The following SLC44A5 variants were observed in gnomAD, a reference collection of about 807,000 sequenced individuals.
The protein encoded by SLC44A5 is choline transporter-like protein 5.
SLC44A5 carries 57 observed loss-of-function variants against 101.8 expected under a neutral mutation model. The observed-to-expected ratio is 0.56, with a 90% CI of 0.45 to 0.70. The LOEUF is 0.70. Among genes scored for constraint, SLC44A5 ranks in the 30% least tolerant of loss-of-function variants. SLC44A5 has a pLI of 0.00. For missense variants in SLC44A5, 737 were observed against 853.1 expected, an observed-to-expected ratio of 0.86 and a Z score of 1.70; for synonymous variants, 281 against 290.9, an observed-to-expected ratio of 0.97 and a Z score of 0.35.
At chr1:75,404,223 T>C (rs923126665) in intron 2 of SLC44A5, among the ~76,000 whole-genome samples, 5 of 152,118 alleles carry the variant, frequency 3.3e-5, no homozygotes, top group African/African-American at 9.7e-5. Flanking sequence ...CTACGTTTGA[T>C]TGGTGTATCT....
At chr1:75,235,880 G>A (rs569754307) in intron 11 of SLC44A5, among the ~76,000 whole-genome samples, 1 of 152,082 alleles carries the variant, frequency 6.6e-6, no homozygotes, top group East Asian at 1.9e-4. Flanking sequence ...AGAGGGAAAG[G>A]GCCAGGTAAA....
chr1:75,502,889 C>T (rs1669044625), intron 2 of SLC44A5, among the ~76,000 whole-genome samples: 1 of 152,112 alleles, frequency 6.6e-6, no homozygotes. Flanking sequence ...AGTGGGGGCT[C>T]CGCCTTGCTG....
intron 5 of SLC44A5, among the ~76,000 whole-genome samples, chr1:75,290,978 A>C (rs1653493345): frequency 6.6e-6 from 1 of 152,244 alleles, no homozygotes; most frequent in African/African-American, 2.4e-5. Flanking sequence ...TAGGATGTAA[A>C]AGATGGGACA....
At chr1:75,454,571 T>C (rs947021303) in intron 2 of SLC44A5, among the ~76,000 whole-genome samples, 4 of 151,638 alleles carry the variant, frequency 2.6e-5, no homozygotes, top group African/African-American at 9.7e-5. Flanking sequence ...GAGAAATAAA[T>C]AAAAAGTATC....
intron 1 of SLC44A5, among the ~76,000 whole-genome samples, chr1:75,578,944 T>A (rs1326040179): frequency 6.6e-6 from 1 of 152,164 alleles, no homozygotes; most frequent in Admixed American, 6.5e-5. Flanking sequence ...AAATTCAGCA[T>A]TTAAAATATG....
intron 2 of SLC44A5, among the ~76,000 whole-genome samples, chr1:75,436,482 T>G (rs1664896078): frequency 1.3e-5 from 2 of 152,168 alleles, no homozygotes; most frequent in East Asian, 3.9e-4. Flanking sequence ...TATAAAAGAT[T>G]AAAAATTGTA....
chr1:75,603,172 C>T (rs1675082846), intron 1 of SLC44A5, among the ~76,000 whole-genome samples: 1 of 152,002 alleles, frequency 6.6e-6, no homozygotes, highest in Non-Finnish European at 1.5e-5. Context: ...TCAATTGTTG[C>T]CATCTTTATG....
intron 2 of SLC44A5, among the ~76,000 whole-genome samples, chr1:75,417,776 G>GAGAGCCAA (rs1255881421): frequency 3.9e-5 from 6 of 152,212 alleles, no homozygotes; most frequent in Non-Finnish European, 1.5e-5. Context: ...AAGAAGGGCA[G>GAGAGCCAA]AGAGCCAAAG....
At chr1:75,499,505 G>A (rs562907688) in intron 2 of SLC44A5, among the ~76,000 whole-genome samples, 4 of 152,338 alleles carry the variant, frequency 2.6e-5, no homozygotes, top group East Asian at 1.9e-4. Flanking sequence ...TGGTTCGGGG[G>A]TTGGGGAACC....
chr1:75,583,105 T>C (rs2102075162), intron 1 of SLC44A5, among the ~76,000 whole-genome samples: 1 of 152,260 alleles, frequency 6.6e-6, no homozygotes, highest in East Asian at 1.9e-4. Flanking sequence ...TCCTGTCAGC[T>C]CAGGAATGAC....
chr1:75,597,134 G>A lies in SLC44A5; in HGVS notation c.-70+13906C>T, dbSNP rs111822138. On this transcript the variant is annotated intron_variant, in intron 1 of 23. Coordinates refer to ENST00000370859, the MANE Select transcript of SLC44A5 (RefSeq NM_001130058.2). ...GCCTGGGAGGTGGAGGTTGCACTGAGCCAAGATCATGCCACTGCACTCCAG... is the reference window on the plus strand; with the variant it reads ...GCCTGGGAGGTGGAGGTTGCACTGAACCAAGATCATGCCACTGCACTCCAG... 9.3e-3 allele frequency among the ~76,000 whole-genome samples: 1,375 copies of A among 148,094 alleles called. 20 individuals are homozygous for A. Among genetic ancestry groups the A allele is most frequent in the African/African-American group, 0.034 (1,343 of 39,934 alleles).
intron 2 of SLC44A5, chr1:75,398,336 A>G: frequency 1.0e-6 from 1 of 981,494 alleles, no homozygotes; most frequent in Non-Finnish European, 1.2e-6. Context: ...CCTCAGCTAT[A>G]TAAACTAGTA....
At chr1:75,408,667 A>T (rs12040583) in intron 2 of SLC44A5, among the ~76,000 whole-genome samples, 29,301 of 149,242 alleles carry the variant, frequency 0.2, 4,065 homozygotes, top group East Asian at 0.82. Context: ...GTGAGAACAC[A>T]TGGACACAGG....
At chr1:75,268,637 G>A (rs556185717) in intron 6 of SLC44A5, among the ~76,000 whole-genome samples, 3 of 152,074 alleles carry the variant, frequency 2.0e-5, no homozygotes, top group East Asian at 1.9e-4. Context: ...ATGTATATCC[G>A]TTCAGACTTT....
intron 1 of SLC44A5, among the ~76,000 whole-genome samples, chr1:75,589,396 C>T (rs964989251): frequency 2.0e-5 from 3 of 152,186 alleles, no homozygotes; most frequent in Non-Finnish European, 2.9e-5. Context: ...GTAGTTCTAA[C>T]TCTAATGACT....
At position 75,447,782 on chromosome 1, in the gene SLC44A5, A is replaced by G. The variant is rs546827144; in HGVS notation, c.14-51161T>C. On this transcript the variant is annotated intron_variant, in intron 2 of 23. Coordinates refer to ENST00000370859, the MANE Select transcript of SLC44A5 (RefSeq NM_001130058.2). ...ATTTGCACCTTGTTTGTTGAATTAG[A>G]TTGATAGGCTAGTTCATAGTTATAG... Among the ~76,000 whole-genome samples the G allele has an allele frequency of 3.9e-5, 6 of 152,198 alleles. No homozygotes were observed. The East Asian group carries it at 1.2e-3, about 29-fold the overall frequency.
chr1:75,461,158 T>C (rs1391119364), intron 2 of SLC44A5, among the ~76,000 whole-genome samples: 1 of 152,212 alleles, frequency 6.6e-6, no homozygotes, highest in Non-Finnish European at 1.5e-5. Context: ...ACACAAAAAA[T>C]GCTTTTGGCA....
At chr1:75,331,663 G>A (rs1039362560) in intron 4 of SLC44A5, among the ~76,000 whole-genome samples, 4 of 152,042 alleles carry the variant, frequency 2.6e-5, no homozygotes, top group African/African-American at 9.7e-5. Context: ...CTTTTCCACT[G>A]CACTCACTGT....
At chr1:75,344,551 G>A (rs1658112562) in intron 3 of SLC44A5, among the ~76,000 whole-genome samples, 1 of 152,140 alleles carries the variant, frequency 6.6e-6, no homozygotes, top group African/African-American at 2.4e-5. Context: ...CTTCTATAGG[G>A]AAAAGGGAGG....
Sources: gnomAD v4.1 joint callset for allele counts (sites outside exome capture counted in the v4.1 genomes callset) on GRCh38, gnomAD v4.1.1 for gene constraint, MANE v1.5 for transcripts, NCBI Gene and HGNC (gene_info 2026-07-23, HGNC 2026-07-21) for gene names.